Variants in OR2F1 observed in about 807,000 individuals in gnomAD.
OR2F1 encodes olfactory receptor 2F1.
For synonymous variants in OR2F1, 146 were observed against 155.3 expected (o/e 0.94, Z 0.44); for missense variants, 389 against 378.2 (o/e 1.03, Z -0.24).
intron 1 of OR2F1, among the ~76,000 whole-genome samples, 159 bp from the exon 2 acceptor site, chr7:143,958,794 A>G (rs1408863620): frequency 3.3e-4 from 50 of 152,164 alleles, no homozygotes; most frequent in Admixed American, 3.3e-3. Context: ...GCTGAGCAAA[A>G]GTAAGAAGGG....
At position 143,954,933 on chromosome 7, in the gene OR2F1, G is replaced by T. The variant is rs890216161; in HGVS notation, c.-350G>T. 3.3e-5 allele frequency: 5 copies of T among 152,082 alleles called. No individual in the cohort carries two copies. Among genetic ancestry groups the T allele is most frequent in the Non-Finnish European group, 7.4e-5 (5 of 67,990 alleles). 9.4% of individuals were successfully genotyped at this position (152,082 alleles called of 1,614,324 possible). ...TGATTGAAATTTAACTGTTAAATTA[G>T]AGTTTTTTTGTTATGTAAAATGAAC... is the stretch of plus-strand genomic sequence containing the variant. On this transcript the variant is annotated 5_prime_UTR_variant, in exon 1 of 3. Transcript: ENST00000641412.
Position 143,960,052 on chromosome 7 carries a change from T to A in OR2F1, c.82T>A (p.Phe28Ile), listed in dbSNP as rs2050312646. Residue 28 changes from phenylalanine (F) to isoleucine (I), a missense_variant, in exon 3 of 3, where the codon TTT becomes ATT. Transcript: ENST00000641412. Reference protein sequence around the residue: ...SSDWDTRVSLFVLFLVMYVVT... With the variant: ...SSDWDTRVSLIVLFLVMYVVT... ...TGACTGGGACACTCGGGTCTCCCTG[T>A]TTGTCCTGTTCTTGGTCATGTATGT... 6.2e-7 allele frequency: 1 copy of A among 1,614,030 alleles called. No individual in the cohort carries two copies. The highest frequency in any genetic ancestry group is 8.5e-7 in the Non-Finnish European group (1 of 1,180,026).
chr7:143,960,857 A>G lies in OR2F1; in HGVS notation c.887A>G (p.Glu296Gly). The change falls in exon 3 of 3, where the codon GAG becomes GGG. Residue 296 changes from glutamate (E) to glycine (G), a missense_variant. Glu to Gly is a moderately conservative substitution (Grantham distance 98). Transcript: ENST00000641412. ...NPMIYSLRNKEVKGAWQKLLW... is the reference protein window; with the variant it reads ...NPMIYSLRNKGVKGAWQKLLW... ...ATGATTTACAGCCTAAGGAATAAAG[A>G]GGTGAAGGGGGCCTGGCAGAAACTA... 2 of 1,613,974 alleles carry G rather than the reference A, an allele frequency of 1.2e-6. No individual in the cohort carries two copies. Among genetic ancestry groups the G allele is most frequent in the Non-Finnish European group, 1.7e-6 (2 of 1,179,984 alleles).
chr7:143,960,993 G>A lies in OR2F1; in HGVS notation c.*69G>A, dbSNP rs1169504713. On this transcript the variant is annotated 3_prime_UTR_variant, in exon 3 of 3. Transcript: ENST00000641412. ...TCCACCCAGCTGAGATCTGACAGGTGTAAACTACATTGCCCTGGCAACCAG... is the reference window on the plus strand; with the variant it reads ...TCCACCCAGCTGAGATCTGACAGGTATAAACTACATTGCCCTGGCAACCAG... 12 of 1,231,106 alleles carry A rather than the reference G, an allele frequency of 9.7e-6. No individual in the cohort carries two copies. Among genetic ancestry groups the A allele is most frequent in the South Asian group, 2.9e-5 (2 of 69,820 alleles). 76.3% of individuals were successfully genotyped at this position (1,231,106 alleles called of 1,614,324 possible).
At position 143,960,130 on chromosome 7, in the gene OR2F1, C is replaced by T. The variant is rs201783611; in HGVS notation, c.160C>T (p.Arg54Ter). 3.7e-5 allele frequency: 59 copies of T among 1,614,096 alleles called. No homozygotes were observed. In the South Asian group the frequency reaches 4.5e-4, roughly 12 times the overall value. Residue 54 changes from arginine (R) to a stop codon, truncating the protein, a stop_gained, in exon 3 of 3, where the codon CGA becomes TGA. Coordinates refer to ENST00000641412, the MANE Select transcript of OR2F1 (RefSeq NM_012369.3). LOFTEE classifies it low-confidence loss of function (END_TRUNC). ...LIVLLIRLDS[R>*]LHTPMYFFLT... ...TGTCCTTCTGATCAGACTGGACAGC[C>T]GACTCCACACTCCCATGTATTTCTT...
Position 143,960,753 on chromosome 7 carries a change from G to A in OR2F1, c.783G>A (p.Gln261=). 1 of 1,614,096 alleles carries A rather than the reference G, an allele frequency of 6.2e-7. No homozygotes were observed. The highest frequency in any genetic ancestry group is 2.2e-5 in the East Asian group (1 of 44,864). Residue 261 remains glutamine (Q), a synonymous_variant, in exon 3 of 3, where the codon CAG becomes CAA. Coordinates refer to ENST00000641412, the MANE Select transcript of OR2F1 (RefSeq NM_012369.3). The part of the protein sequence containing the change: ...CYGVAIFTYI[Q]PHSSPSVLQE... Reference sequence around the variant, plus strand: ...GTGTGGCCATTTTCACTTACATCCAGCCCCACTCCAGTCCCTCTGTCCTTC... The same window carrying A: ...GTGTGGCCATTTTCACTTACATCCAACCCCACTCCAGTCCCTCTGTCCTTC...
Position 143,961,903 on chromosome 7 carries a change from A to G in OR2F1, c.*979A>G, listed in dbSNP as rs1412230550. The stretch of plus-strand genomic sequence containing the variant: ...ATGCAAATGTTACCCTCAAGTCTTC[A>G]CATTGAGAACTTCTCTTGCCACCTC... On this transcript the variant is annotated 3_prime_UTR_variant, in exon 3 of 3. Coordinates refer to ENST00000641412, the MANE Select transcript of OR2F1 (RefSeq NM_012369.3). The G allele has an allele frequency of 6.6e-6, 1 of 152,250 alleles. No individual in the cohort carries two copies. Among genetic ancestry groups the G allele is most frequent in the East Asian group, 1.9e-4 (1 of 5,200 alleles). The allele number at this position is 152,250 out of a possible 1,614,324, so 9.4% of individuals were successfully genotyped here. A position where few individuals can be genotyped will look rare whatever the true frequency, so the allele number is the denominator to read the frequency against.
In OR2F1 at chr7:143,960,178, G is replaced by A. The variant is rs532940436; in HGVS notation, c.208G>A (p.Asp70Asn). Residue 70 changes from aspartate (D) to asparagine (N), a missense_variant, in exon 3 of 3, where the codon GAT (aspartate) becomes AAT (asparagine). Transcript: ENST00000641412. ...CTTTCTCACCAACCTCTCCCTTGTC[G>A]ATGTCTCCTATGCCACAAGTGTAGT... ...YFFLTNLSLV[D>N]VSYATSVVPQ... is the part of the protein sequence containing the mutation. 15 of 1,614,082 alleles carry A rather than the reference G, an allele frequency of 9.3e-6. No homozygotes were observed. The highest frequency in any genetic ancestry group is 1.7e-5 in the Admixed American group (1 of 60,016).
rs2050324115 is a variant in OR2F1, at chr7:143,960,861, G to A, written c.891G>A (p.Val297=). ...PMIYSLRNKE[V]KGAWQKLLWK... is the part of the protein sequence containing the mutation. ...TTTACAGCCTAAGGAATAAAGAGGT[G>A]AAGGGGGCCTGGCAGAAACTATTAT... is the stretch of plus-strand genomic sequence containing the variant. Residue 297 remains valine, a synonymous_variant, in exon 3 of 3, where the codon GTG becomes GTA. Coordinates refer to ENST00000641412, the MANE Select transcript of OR2F1 (RefSeq NM_012369.3). 3.7e-6 allele frequency: 6 copies of A among 1,613,844 alleles called. No homozygotes were observed. The highest frequency in any genetic ancestry group is 1.3e-5 in the African/African-American group (1 of 74,908).
chr7:143,958,206 G>T (rs1005159241), intron 1 of OR2F1, among the ~76,000 whole-genome samples: 5 of 152,230 alleles, frequency 3.3e-5, no homozygotes, highest in Admixed American at 1.3e-4. Context: ...ATGGAAAAAT[G>T]TCTAATTCAG....
chr7:143,956,782 ACAAGTAAGGTCTGG>A (rs779797808), intron 1 of OR2F1, among the ~76,000 whole-genome samples: 9 of 152,262 alleles, frequency 5.9e-5, no homozygotes, highest in Non-Finnish European at 1.3e-4. Flanking sequence ...AGGGAAATTT[ACAAGTAAGGTCTGG>A]CAACTCTAGC....
At position 143,960,936 on chromosome 7, in the gene OR2F1, GA is replaced by G; in HGVS notation, c.*13del. 1 of 1,581,376 alleles carries G rather than the reference GA, an allele frequency of 6.3e-7. No homozygotes were observed. The highest frequency in any genetic ancestry group is 8.6e-7 in the Non-Finnish European group (1 of 1,162,570). ...AGCTGGCAACTTGACTCATGAGTAT[GA>G]CTTAGAGAAAACAGCTTTGCCTCAG... On this transcript the variant is annotated 3_prime_UTR_variant, in exon 3 of 3. Coordinates refer to ENST00000641412, the MANE Select transcript of OR2F1 (RefSeq NM_012369.3).
chr7:143,959,209 A>G (rs2116936281), intron 2 of OR2F1, 101 bp downstream of exon 2: 1 of 152,354 alleles, frequency 6.6e-6, no homozygotes, highest in Middle Eastern at 3.4e-3. Flanking sequence ...CACAGAGATC[A>G]TGTTACTACT....
chr7:143,956,585 G>C (rs1340783247), intron 1 of OR2F1, among the ~76,000 whole-genome samples: 2 of 152,124 alleles, frequency 1.3e-5, no homozygotes, highest in Non-Finnish European at 2.9e-5. Context: ...ATAAAATAAA[G>C]TTAGTCATAG....
In OR2F1 at chr7:143,961,539, T is replaced by G. The variant is rs192496400; in HGVS notation, c.*615T>G. 6.5e-6 allele frequency: 1 copy of G among 152,944 alleles called. No homozygotes were observed. Among genetic ancestry groups the G allele is most frequent in the African/African-American group, 2.4e-5 (1 of 41,584 alleles). The allele number at this position is 152,944 out of a possible 1,614,324, so 9.5% of individuals were successfully genotyped here. On this transcript the variant is annotated 3_prime_UTR_variant, in exon 3 of 3. Coordinates refer to ENST00000641412, the MANE Select transcript of OR2F1 (RefSeq NM_012369.3). ...TATCAACTCAAGGTCTTGTTTCACCTCGATAGGGTGACAGTCAATGGTTGT... is the reference window on the plus strand; with the variant it reads ...TATCAACTCAAGGTCTTGTTTCACCGCGATAGGGTGACAGTCAATGGTTGT...
Position 143,961,015 on chromosome 7 carries a change from C to A in OR2F1, c.*91C>A. 1.0e-6 allele frequency: 1 copy of A among 957,584 alleles called. No individual in the cohort carries two copies. Among genetic ancestry groups the A allele is most frequent in the Non-Finnish European group, 1.6e-6 (1 of 630,336 alleles). 59.3% of individuals were successfully genotyped at this position (957,584 alleles called of 1,614,324 possible). A position where few individuals can be genotyped will look rare whatever the true frequency, so the allele number is the denominator to read the frequency against. ...GGTGTAAACTACATTGCCCTGGCAA[C>A]CAGGAAGGAGATGACGTAGCATGTA... On this transcript the variant is annotated 3_prime_UTR_variant, in exon 3 of 3. Coordinates refer to ENST00000641412, the MANE Select transcript of OR2F1 (RefSeq NM_012369.3).
chr7:143,960,736 AT>A lies in OR2F1; in HGVS notation c.770del (p.Phe257SerfsTer25), dbSNP rs745777278. On this transcript the variant is annotated frameshift_variant, in exon 3 of 3. Transcript: ENST00000641412. LOFTEE classifies it low-confidence loss of function (END_TRUNC). The part of the protein sequence containing the change: ...TVVALCYGVA[I>X]FTYIQPHSSP... ...GGTTGCCCTGTGCTATGGTGTGGCC[AT>A]TTTCACTTACATCCAGCCCCACTCC... 1 of 1,613,912 alleles carries A rather than the reference AT, an allele frequency of 6.2e-7. No individual in the cohort carries two copies. Among genetic ancestry groups the A allele is most frequent in the Non-Finnish European group, 8.5e-7 (1 of 1,179,960 alleles).
Position 143,960,700 on chromosome 7 carries a change from C to T in OR2F1, c.730C>T (p.His244Tyr), listed in dbSNP as rs964689361. ...GAAAGCTTTCCACACGTGTGCCTCTCACCTCACAGTGGTTGCCCTGTGCTA... is the reference window on the plus strand; with the variant it reads ...GAAAGCTTTCCACACGTGTGCCTCTTACCTCACAGTGGTTGCCCTGTGCTA... Reference protein sequence around the residue: ...RKKAFHTCASHLTVVALCYGV... With the variant: ...RKKAFHTCASYLTVVALCYGV... Residue 244 changes from histidine (H) to tyrosine (Y), a missense_variant, in exon 3 of 3, where the codon CAC becomes TAC. By Grantham distance (83) the His-to-Tyr change is moderately conservative (BLOSUM62 2). Transcript: ENST00000641412. 16 of 1,613,976 alleles carry T rather than the reference C, an allele frequency of 9.9e-6. No individual in the cohort carries two copies. The African/African-American group carries it at 1.6e-4, about 16-fold the overall frequency.
At chr7:143,955,329 T>G (rs745385569) in intron 1 of OR2F1, among the ~76,000 whole-genome samples, 33 of 152,166 alleles carry the variant, frequency 2.2e-4, no homozygotes, top group Non-Finnish European at 3.8e-4. Flanking sequence ...GTTATTTACA[T>G]CTAAAACTCC....
Sources: allele counts gnomAD v4.1 joint callset (sites outside exome capture counted in the v4.1 genomes callset), GRCh38; gene constraint gnomAD v4.1.1; transcripts MANE v1.5; gene names NCBI Gene and HGNC (gene_info 2026-07-23, HGNC 2026-07-21).